LRP1B: variants seen among roughly 807,000 people sequenced by gnomAD.
LRP1B encodes low-density lipoprotein receptor-related protein 1B.
LRP1B carries 217 observed loss-of-function variants against 556.6 expected under a neutral mutation model. That is an observed-to-expected ratio of 0.39 (90% CI 0.35 to 0.44). LRP1B has a LOEUF of 0.44. Ranked by LOEUF, LRP1B falls within the 20% of genes least tolerant of loss-of-function variation. The pLI, the probability that LRP1B is intolerant of heterozygous loss-of-function variation, is 1.00. For synonymous variants in LRP1B, 2,047 were observed against 1,865.8 expected (o/e 1.10, Z -2.50); for missense variants, 5,053 against 5,620.8 (o/e 0.90, Z 3.23).
chr2:142,028,297 C>A (rs1703574320), intron 1 of LRP1B, among the ~76,000 whole-genome samples: 1 of 151,958 alleles, frequency 6.6e-6, no homozygotes, highest in South Asian at 2.1e-4. Flanking sequence ...GTAACAGTTC[C>A]ATTACTCCCA....
chr2:141,655,434 CAA>C, intron 2 of LRP1B, among the ~76,000 whole-genome samples: 1 of 152,164 alleles, frequency 6.6e-6, no homozygotes, highest in Non-Finnish European at 1.5e-5. Context: ...ACTAGAAAAA[CAA>C]TCCAAAACAA....
intron 3 of LRP1B, among the ~76,000 whole-genome samples, chr2:141,430,119 A>G (rs1680510155): frequency 6.6e-6 from 1 of 152,186 alleles, no homozygotes; most frequent in Admixed American, 6.5e-5. Flanking sequence ...AAGATAAGAA[A>G]TGTGAAAAGT....
chr2:141,920,123 A>G (rs1258977352), intron 1 of LRP1B, among the ~76,000 whole-genome samples: 2 of 151,872 alleles, frequency 1.3e-5, no homozygotes, highest in East Asian at 3.9e-4. Flanking sequence ...CCTCAGTACC[A>G]ATGCACAGTC....
chr2:140,991,544 G>C (rs996543679), intron 16 of LRP1B, among the ~76,000 whole-genome samples: 1 of 152,026 alleles, frequency 6.6e-6, no homozygotes, highest in Non-Finnish European at 1.5e-5. Flanking sequence ...ACTCATCCAT[G>C]TGCCAGGCAC....
chr2:141,808,247 C>A (rs1180748898), intron 2 of LRP1B, among the ~76,000 whole-genome samples: 2 of 152,036 alleles, frequency 1.3e-5, no homozygotes, highest in African/African-American at 4.8e-5. Flanking sequence ...ATGAATTCTG[C>A]AAATCTGTGT....
chr2:140,484,187 G>C (rs916628744), intron 59 of LRP1B, among the ~76,000 whole-genome samples: 3 of 152,090 alleles, frequency 2.0e-5, no homozygotes, highest in African/African-American at 7.2e-5. Flanking sequence ...ATAGTGAAAA[G>C]TTAAAATGAG....
intron 3 of LRP1B, among the ~76,000 whole-genome samples, chr2:141,331,541 T>TTTTCTTTCTTTC (rs1553497576): frequency 1.4e-5 from 2 of 144,640 alleles, no homozygotes; most frequent in African/African-American, 5.5e-5. Context: ...TCTTTCTTTC[T>TTTTCTTTCTTTC]TTCTTTCTTT....
At chr2:142,054,022 C>G (rs917196870) in intron 1 of LRP1B, among the ~76,000 whole-genome samples, 1 of 152,070 alleles carries the variant, frequency 6.6e-6, no homozygotes, top group African/African-American at 2.4e-5. Flanking sequence ...AAGAAACCCT[C>G]GATCACACTT....
intron 81 of LRP1B, among the ~76,000 whole-genome samples, chr2:140,323,405 TTGTTGATTAG>T (rs1434944866): frequency 2.0e-5 from 3 of 151,936 alleles, no homozygotes; most frequent in African/African-American, 7.2e-5. Flanking sequence ...TGATAGTTAC[TTGTTGATTAG>T]TGGTAAGAGT....
intron 21 of LRP1B, among the ~76,000 whole-genome samples, chr2:140,916,680 G>A (rs984907041): frequency 6.6e-6 from 1 of 152,110 alleles, no homozygotes; most frequent in African/African-American, 2.4e-5. Flanking sequence ...TCTTAGAAAG[G>A]TAGTCAAAGA....
At chr2:140,783,281 T>C (rs1689764689) in intron 32 of LRP1B, among the ~76,000 whole-genome samples, 1 of 152,112 alleles carries the variant, frequency 6.6e-6, no homozygotes, top group South Asian at 2.1e-4. Context: ...ATTAGATTTT[T>C]CTAAAAAATC....
At position 140,518,527 on chromosome 2, in the gene LRP1B, T is replaced by C. The variant is rs529367142; in HGVS notation, c.8027-1516A>G. Reference sequence around the variant, plus strand: ...CTATCATATGCTGACCTCAAGATAATTTCAAAATTAACTACAGTCATACTG... The same window carrying C: ...CTATCATATGCTGACCTCAAGATAACTTCAAAATTAACTACAGTCATACTG... On this transcript the variant is annotated intron_variant, in intron 49 of 90. Coordinates refer to ENST00000389484, the MANE Select transcript of LRP1B (RefSeq NM_018557.3). Among the ~76,000 whole-genome samples the C allele has an allele frequency of 6.6e-5, 10 of 152,276 alleles. No homozygotes were observed. In the South Asian group the frequency reaches 1.9e-3, roughly 28 times the overall value.
At chr2:140,727,458 T>C (rs1261093977) in intron 35 of LRP1B, among the ~76,000 whole-genome samples, 2 of 152,170 alleles carry the variant, frequency 1.3e-5, no homozygotes, top group African/African-American at 4.8e-5. Context: ...GAGGAGGCTA[T>C]GAAAGTTCTA....
chr2:141,885,578 T>A (rs1012395997), intron 1 of LRP1B, among the ~76,000 whole-genome samples: 1 of 152,128 alleles, frequency 6.6e-6, no homozygotes, highest in African/African-American at 2.4e-5. Flanking sequence ...GAGAAAGTAT[T>A]GCCAGTAAAT....
intron 2 of LRP1B, among the ~76,000 whole-genome samples, chr2:141,564,960 G>A (rs1686279360): frequency 6.6e-6 from 1 of 151,754 alleles, no homozygotes; most frequent in East Asian, 1.9e-4. Context: ...AGAACTTGAA[G>A]GAATAAGACA....
chr2:141,232,660 C>T lies in LRP1B; in HGVS notation c.593-3220G>A, dbSNP rs73962865. ...ATCAGTTAATTGTTTTAGTGAAAAA[C>T]ATATCGACCACTAATTCTAAAGTCA... On this transcript the variant is annotated intron_variant, in intron 5 of 90. Transcript: ENST00000389484. Among the ~76,000 whole-genome samples, 732 of 152,250 alleles carry T rather than the reference C, an allele frequency of 4.8e-3. 9 individuals carry two copies. The highest frequency in any genetic ancestry group is 0.017 in the African/African-American group (692 of 41,556).
At chr2:141,194,577 A>G (rs1463624048) in intron 6 of LRP1B, among the ~76,000 whole-genome samples, 1 of 152,134 alleles carries the variant, frequency 6.6e-6, no homozygotes, top group East Asian at 1.9e-4. Context: ...AATTTTTAAA[A>G]TTTACAAAGC....
At chr2:140,359,812 C>A (rs1225693545) in intron 72 of LRP1B, among the ~76,000 whole-genome samples, 4 of 151,582 alleles carry the variant, frequency 2.6e-5, no homozygotes, top group Non-Finnish European at 1.5e-5. Flanking sequence ...TCACTCAGCT[C>A]TTTATCATCT....
At chr2:140,364,968 T>C (rs907677162) in intron 71 of LRP1B, among the ~76,000 whole-genome samples, 185 bp from the exon 72 acceptor site, 1 of 151,490 alleles carries the variant, frequency 6.6e-6, no homozygotes, top group Non-Finnish European at 1.5e-5. Context: ...CATGTATTCA[T>C]TGTTGACATT....
Sources: gnomAD v4.1 joint callset for allele counts (sites outside exome capture counted in the v4.1 genomes callset) on GRCh38, gnomAD v4.1.1 for gene constraint, MANE v1.5 for transcripts, NCBI Gene and HGNC (gene_info 2026-07-23, HGNC 2026-07-21) for gene names.